The following FOXP1 variants were observed in gnomAD, a reference collection of about 807,000 sequenced individuals.
FOXP1 encodes forkhead box protein P1.
A neutral mutation model predicts 98.2 loss-of-function variants in FOXP1; 15 were observed. That is an observed-to-expected ratio of 0.15 (90% CI 0.10 to 0.24). The LOEUF (loss-of-function observed/expected upper bound fraction) is 0.24. FOXP1 is among the 10% of genes least tolerant of loss of function. The pLI, the probability that FOXP1 is intolerant of heterozygous loss-of-function variation, is 1.00. For synonymous variants in FOXP1, 371 were observed against 314.5 expected, an observed-to-expected ratio of 1.18 and a Z score of -1.90; for missense variants, 633 against 848.5, an observed-to-expected ratio of 0.75 and a Z score of 3.15.
At chr3:71,195,469 A>G (rs888053291) in intron 6 of FOXP1, among the ~76,000 whole-genome samples, 6 of 152,178 alleles carry the variant, frequency 3.9e-5, no homozygotes, top group Non-Finnish European at 5.9e-5. Flanking sequence ...TATAACACAC[A>G]GCGTAATTAA....
chr3:71,267,124 A>AGAGTGTGTGTGTGT (rs142661368), intron 5 of FOXP1, among the ~76,000 whole-genome samples: 4,559 of 148,344 alleles, frequency 0.031, 107 homozygotes, highest in Non-Finnish European at 0.043. Flanking sequence ...TATGGGAGAG[A>AGAGTGTGTGTGTGT]GTGTGTGTGT....
At chr3:71,364,718 CAGA>C (rs2078799924) in intron 3 of FOXP1, among the ~76,000 whole-genome samples, 1 of 152,152 alleles carries the variant, frequency 6.6e-6, no homozygotes, top group Admixed American at 6.5e-5. Context: ...GGTAGAACAT[CAGA>C]TACCTCCCTA....
chr3:71,104,973 G>A (rs2057302338), intron 7 of FOXP1, among the ~76,000 whole-genome samples: 1 of 151,876 alleles, frequency 6.6e-6, no homozygotes, highest in African/African-American at 2.4e-5. Context: ...ATATATGTGA[G>A]GCCCCCAGTC....
chr3:70,969,478 G>C (rs2035716946), intron 19 of FOXP1: 1 of 152,166 alleles, frequency 6.6e-6, no homozygotes, highest in Non-Finnish European at 1.5e-5. Flanking sequence ...GGAGCCTTAA[G>C]ACTATTCTGG....
intron 5 of FOXP1, among the ~76,000 whole-genome samples, chr3:71,224,561 T>A (rs2065678188): frequency 6.6e-6 from 1 of 152,130 alleles, no homozygotes. Flanking sequence ...GGACTGGAAG[T>A]GTCTCAGAAA....
intron 6 of FOXP1, among the ~76,000 whole-genome samples, chr3:71,173,465 A>C (rs1416923891): frequency 6.6e-6 from 1 of 151,986 alleles, no homozygotes; most frequent in Non-Finnish European, 1.5e-5. Flanking sequence ...TCCTGCAAGC[A>C]TAGGATAGCA....
intron 3 of FOXP1, among the ~76,000 whole-genome samples, chr3:71,418,140 T>C (rs188457506): frequency 3.2e-4 from 48 of 152,184 alleles, no homozygotes; most frequent in Admixed American, 5.2e-4. Context: ...TGTGTGTGTG[T>C]GTGTGTGTTT....
chr3:71,565,698 G>A (rs912100868), intron 2 of FOXP1, among the ~76,000 whole-genome samples: 2 of 152,122 alleles, frequency 1.3e-5, no homozygotes, highest in East Asian at 1.9e-4. Context: ...GATCCTGGGC[G>A]GCCATCTATT....
At position 71,287,459 on chromosome 3, in the gene FOXP1, C is replaced by T. The variant is rs149738220; in HGVS notation, c.-12+12361G>A. Among the ~76,000 whole-genome samples the T allele has an allele frequency of 1.0e-2, 1,520 of 152,086 alleles. 30 individuals carry two copies. The highest frequency in any genetic ancestry group is 0.034 in the African/African-American group (1,420 of 41,500). On this transcript the variant is annotated intron_variant, in intron 5 of 20. Coordinates refer to ENST00000649528, the MANE Select transcript of FOXP1 (RefSeq NM_001349338.3). ...CTGCACTCCAGCCTGGGCGAAAGAG[C>T]GAGACCCTGTCTCAAAATAATAATA...
At chr3:71,201,845 T>C (rs990346239) in intron 5 of FOXP1, among the ~76,000 whole-genome samples, 1 of 152,194 alleles carries the variant, frequency 6.6e-6, no homozygotes, top group Non-Finnish European at 1.5e-5. Context: ...TACCTTCCCA[T>C]ACCAGGGACT....
intron 4 of FOXP1, among the ~76,000 whole-genome samples, chr3:71,357,156 G>C (rs1240656504): frequency 6.6e-6 from 1 of 152,184 alleles, no homozygotes; most frequent in Non-Finnish European, 1.5e-5. Flanking sequence ...GAACAGAATT[G>C]GGTGTGAGTG....
At chr3:71,273,023 G>A (rs1358104327) in intron 5 of FOXP1, among the ~76,000 whole-genome samples, 1 of 152,130 alleles carries the variant, frequency 6.6e-6, no homozygotes, top group Non-Finnish European at 1.5e-5. Flanking sequence ...TAGGACTAAG[G>A]GGAGGCCTCA....
chr3:70,999,568 C>A (rs753709274), intron 13 of FOXP1, among the ~76,000 whole-genome samples: 5 of 152,026 alleles, frequency 3.3e-5, no homozygotes, highest in Non-Finnish European at 5.9e-5. Flanking sequence ...TCTTACTGTT[C>A]TAATAAGTTT....
Position 71,582,074 on chromosome 3 carries a change from G to A in FOXP1, c.-446-377C>T, listed in dbSNP as rs2048221161. On this transcript the variant is annotated intron_variant, in intron 1 of 20. Coordinates refer to ENST00000649528, the MANE Select transcript of FOXP1 (RefSeq NM_001349338.3). ...TCTCACAGGGGGCGGGAGCTGCGCG[G>A]GAATGGGGGGCTGCAGGCAGCGATT... 6 of 983,550 alleles carry A rather than the reference G, an allele frequency of 6.1e-6. No homozygotes were observed. The South Asian group carries it at 2.8e-4, about 46-fold the overall frequency. 60.9% of individuals were successfully genotyped at this position (983,550 alleles called of 1,614,324 possible). A position where few individuals can be genotyped will look rare whatever the true frequency, so the allele number is the denominator to read the frequency against.
intron 12 of FOXP1, among the ~76,000 whole-genome samples, chr3:71,010,807 T>C (rs1419769762): frequency 1.3e-5 from 2 of 151,910 alleles, no homozygotes; most frequent in Non-Finnish European, 2.9e-5. Flanking sequence ...ACTTGATGCA[T>C]CACTCTCTGA....
At chr3:71,101,127 G>C (rs1363173950) in intron 7 of FOXP1, among the ~76,000 whole-genome samples, 1 of 152,122 alleles carries the variant, frequency 6.6e-6, no homozygotes, top group African/African-American at 2.4e-5. Context: ...ACCAGCGGAA[G>C]GAAAAATGGC....
chr3:71,174,826 A>ACACACACACACACC (rs1050762895), intron 6 of FOXP1, among the ~76,000 whole-genome samples: 12 of 147,328 alleles, frequency 8.1e-5, no homozygotes, highest in Admixed American at 2.7e-4. Flanking sequence ...ACACACACAC[A>ACACACACACACACC]CCCCAATATA....
chr3:71,490,645 A>G (rs189626249), intron 3 of FOXP1, among the ~76,000 whole-genome samples: 1 of 152,192 alleles, frequency 6.6e-6, no homozygotes, highest in Non-Finnish European at 1.5e-5. Context: ...ATTTACAAAA[A>G]TTCTAGTATT....
At chr3:70,978,673 C>T (rs2038120205) in intron 14 of FOXP1, among the ~76,000 whole-genome samples, 1 of 152,166 alleles carries the variant, frequency 6.6e-6, no homozygotes, top group African/African-American at 2.4e-5. Flanking sequence ...TATGTGTGGC[C>T]TATTTATTAC....
Sources: allele counts gnomAD v4.1 joint callset (sites outside exome capture counted in the v4.1 genomes callset), GRCh38; gene constraint gnomAD v4.1.1; transcripts MANE v1.5; gene names NCBI Gene and HGNC (gene_info 2026-07-23, HGNC 2026-07-21).